ZFAT: variants seen among roughly 807,000 people sequenced by gnomAD.
The protein encoded by ZFAT is zinc finger and AT-hook domain containing.
In ZFAT, 64 loss-of-function variants were observed where a neutral mutation model predicts 117.7. The ratio of observed to expected loss-of-function variants is 0.54; its 90% CI spans 0.44 to 0.67. The LOEUF is 0.67. Ranked by LOEUF, ZFAT falls within the 30% of genes least tolerant of loss-of-function variation. ZFAT has a pLI of 0.00. For missense variants in ZFAT, 1,433 were observed against 1,584.5 expected (o/e 0.90, Z 1.62); for synonymous variants, 679 against 615.0 (o/e 1.10, Z -1.54).
the ZFAT span, among the ~76,000 whole-genome samples, chr8:134,821,747 A>T: frequency 6.6e-6 from 1 of 152,172 alleles, no homozygotes; most frequent in African/African-American, 2.4e-5. Context: ...AACCTAAAAC[A>T]AGGAAAAGTG....
chr8:134,633,122 A>G (rs915481243), intron 3 of ZFAT, among the ~76,000 whole-genome samples: 2 of 152,246 alleles, frequency 1.3e-5, no homozygotes, highest in African/African-American at 4.8e-5. Context: ...AAAAGAAAAA[A>G]AAAAGCAATG....
intron 13 of ZFAT, 132 bp downstream of exon 13, chr8:134,520,751 C>T (rs1346722829): frequency 1.0e-5 from 7 of 696,310 alleles, no homozygotes; most frequent in South Asian, 5.7e-5. Context: ...CATTTGAAAA[C>T]GTTTCAGAAG....
intron 2 of ZFAT, among the ~76,000 whole-genome samples, chr8:134,639,612 G>T (rs1290105942): frequency 6.6e-6 from 1 of 152,212 alleles, no homozygotes; most frequent in Non-Finnish European, 1.5e-5. Context: ...AAGGGAGATG[G>T]GAGGAAAGAA....
At chr8:134,687,990 C>G (rs765579716) in intron 1 of ZFAT, among the ~76,000 whole-genome samples, 78 of 152,218 alleles carry the variant, frequency 5.1e-4, no homozygotes, top group Non-Finnish European at 5.4e-4. Flanking sequence ...CCCATGGCAT[C>G]AGCCACTTCA....
chr8:134,732,071 C>A, the ZFAT span, among the ~76,000 whole-genome samples: 1 of 152,226 alleles, frequency 6.6e-6, no homozygotes, highest in East Asian at 1.9e-4. Flanking sequence ...CCTCCACAGG[C>A]TTTAAATGCA....
chr8:134,508,508 C>T (rs1819583450), intron 15 of ZFAT, among the ~76,000 whole-genome samples: 1 of 152,216 alleles, frequency 6.6e-6, no homozygotes, highest in Admixed American at 6.5e-5. Flanking sequence ...TAGTAATACA[C>T]ACCTCTTCCA....
intron 1 of ZFAT, among the ~76,000 whole-genome samples, chr8:134,682,316 T>C (rs1833107961): frequency 6.6e-6 from 1 of 152,188 alleles, no homozygotes; most frequent in Admixed American, 6.5e-5. Context: ...GACACTAGCT[T>C]CTCACCACAC....
At chr8:134,707,933 G>T (rs1205938863) in intron 1 of ZFAT, among the ~76,000 whole-genome samples, 1 of 152,190 alleles carries the variant, frequency 6.6e-6, no homozygotes, top group Non-Finnish European at 1.5e-5. Context: ...GTCAAGTATG[G>T]AATCGGCCTC....
In ZFAT at chr8:134,517,371, G is replaced by A. The variant is rs1044217728; in HGVS notation, c.3234+3512C>T. On this transcript the variant is annotated intron_variant, in intron 13 of 15. Transcript: ENST00000377838. ...AGCTTCTCCCCATCCCTTCCATCTT[G>A]CTCTCTGTCTCCTTTCCCTACATAT... Among the ~76,000 whole-genome samples the A allele has an allele frequency of 3.9e-5, 6 of 151,988 alleles. No individual in the cohort carries two copies. In the East Asian group the frequency reaches 1.2e-3, roughly 29 times the overall value.
At position 134,637,454 on chromosome 8, in the gene ZFAT, C is replaced by T; in HGVS notation, c.448+7G>A. ...ATTGACATGTTCAGCCCTTTGGCAG[C>T]ATTTACCTGCTTCTCCTTCCTCCTC... is the stretch of plus-strand genomic sequence containing the variant. On this transcript the variant is annotated splice_region_variant and intron_variant, in intron 3 of 15. Coordinates refer to ENST00000377838, the MANE Select transcript of ZFAT (RefSeq NM_020863.4). 1 of 1,603,850 alleles carries T rather than the reference C, an allele frequency of 6.2e-7. No individual in the cohort carries two copies. The highest frequency in any genetic ancestry group is 1.1e-5 in the South Asian group (1 of 90,522).
intron 12 of ZFAT, among the ~76,000 whole-genome samples, chr8:134,521,448 C>A (rs1286819817): frequency 6.6e-6 from 1 of 152,174 alleles, no homozygotes; most frequent in Non-Finnish European, 1.5e-5. Flanking sequence ...GCCTGATTCT[C>A]AGTCTCCTTC....
At chr8:134,515,977 A>C (rs896138097) in intron 13 of ZFAT, among the ~76,000 whole-genome samples, 1 of 152,240 alleles carries the variant, frequency 6.6e-6, no homozygotes, top group African/African-American at 2.4e-5. Flanking sequence ...ACAATGTTTA[A>C]ATTTCCCCAA....
chr8:134,654,698 G>A (rs1831485551), intron 2 of ZFAT, among the ~76,000 whole-genome samples: 1 of 152,220 alleles, frequency 6.6e-6, no homozygotes. Context: ...AGCTGGGACG[G>A]AGGGAGGGCA....
intron 15 of ZFAT, among the ~76,000 whole-genome samples, chr8:134,505,947 G>A (rs981332075): frequency 1.3e-5 from 2 of 152,180 alleles, no homozygotes; most frequent in African/African-American, 4.8e-5. Flanking sequence ...CCTGCTAAAT[G>A]AGTGCCCGTC....
intron 15 of ZFAT, among the ~76,000 whole-genome samples, chr8:134,501,014 CA>C (rs1234230320): frequency 6.6e-6 from 1 of 152,140 alleles, no homozygotes; most frequent in Non-Finnish European, 1.5e-5. Flanking sequence ...CACCAACCAA[CA>C]AAAGCGTGCA....
chr8:134,542,552 C>A (rs1414985564), intron 11 of ZFAT, among the ~76,000 whole-genome samples: 3 of 152,220 alleles, frequency 2.0e-5, no homozygotes, highest in African/African-American at 7.2e-5. Context: ...TGTGGTATCA[C>A]AGTTTTGTGT....
intron 10 of ZFAT, among the ~76,000 whole-genome samples, chr8:134,575,303 A>G (rs1267909930): frequency 1.3e-5 from 2 of 152,242 alleles, no homozygotes; most frequent in African/African-American, 4.8e-5. Flanking sequence ...CTATCCAGGT[A>G]GTCCTAGTGA....
the ZFAT span, among the ~76,000 whole-genome samples, chr8:134,819,633 T>C: frequency 1.3e-5 from 2 of 151,958 alleles, no homozygotes; most frequent in Non-Finnish European, 2.9e-5. Flanking sequence ...GGGCTCCTAT[T>C]CCACTTGTCC....
At chr8:134,541,761 G>A (rs1822274474) in intron 11 of ZFAT, among the ~76,000 whole-genome samples, 1 of 152,180 alleles carries the variant, frequency 6.6e-6, no homozygotes, top group African/African-American at 2.4e-5. Flanking sequence ...GGCAAAATAT[G>A]TCATCAACTC....
Sources: allele counts gnomAD v4.1 joint callset (sites outside exome capture counted in the v4.1 genomes callset), GRCh38; gene constraint gnomAD v4.1.1; transcripts MANE v1.5; gene names NCBI Gene and HGNC (gene_info 2026-07-23, HGNC 2026-07-21).